Variants in HEPH observed in about 807,000 individuals in gnomAD.
The protein encoded by HEPH is hephaestin.
Under a neutral mutation model 80.8 loss-of-function variants are expected in HEPH, and 69 were observed. The observed-to-expected ratio is 0.85, with a 90% CI of 0.70 to 1.04. The LOEUF (loss-of-function observed/expected upper bound fraction) is 1.04. Among genes scored for constraint, HEPH ranks in the 50% least tolerant of loss-of-function variants. HEPH has a pLI of 0.00. For missense variants in HEPH, 1,115 were observed against 891.3 expected, an observed-to-expected ratio of 1.25 and a Z score of -3.20; for synonymous variants, 431 against 322.8, an observed-to-expected ratio of 1.34 and a Z score of -3.60.
intron 17 of HEPH, among the ~76,000 whole-genome samples, chrX:66,257,797 ATGAT>A (rs1214488595): frequency 1.8e-5 from 2 of 111,793 alleles, no homozygotes; most frequent in African/African-American, 6.5e-5. Context: ...CAGATTATAA[ATGAT>A]TGCTTCCTCT....
At chrX:66,264,322 G>A (rs2091463374) in intron 20 of HEPH, among the ~76,000 whole-genome samples, 2 of 106,436 alleles carry the variant, frequency 1.9e-5, no homozygotes, top group South Asian at 8.1e-4. Flanking sequence ...TGCTGGGTTG[G>A]ACATGGAAAA....
intron 19 of HEPH, among the ~76,000 whole-genome samples, chrX:66,261,245 G>C (rs947616949): frequency 8.9e-6 from 1 of 112,074 alleles, no homozygotes; most frequent in African/African-American, 3.2e-5. Context: ...AGGCTAGAAA[G>C]AGAGATTGTC....
intron 8 of HEPH, among the ~76,000 whole-genome samples, chrX:66,194,591 G>A: frequency 8.9e-6 from 1 of 111,818 alleles, no homozygotes; most frequent in East Asian, 2.8e-4. Context: ...TACAGTGCCT[G>A]GATAGAAGAT....
intron 19 of HEPH, among the ~76,000 whole-genome samples, chrX:66,261,744 C>T (rs2091372096): frequency 9.0e-6 from 1 of 111,520 alleles, no homozygotes; most frequent in Non-Finnish European, 1.9e-5. Flanking sequence ...AATGATTGCA[C>T]ATTATGACTT....
chrX:66,175,509 T>G (rs2086764250), intron 4 of HEPH, among the ~76,000 whole-genome samples: 1 of 111,921 alleles, frequency 8.9e-6, no homozygotes, highest in African/African-American at 3.2e-5. Context: ...TGGTTCCATC[T>G]GAATTTTAGA....
In HEPH at chrX:66,172,643, C is replaced by A. The variant is rs1175864762; in HGVS notation, c.412+44C>A. On this transcript the variant is annotated intron_variant, in intron 3 of 20. Coordinates refer to ENST00000343002, the MANE Select transcript of HEPH (RefSeq NM_001367233.3). ...TCTTTCCCCCATGCCCAACAAATAT[C>A]ACTTTTCCTTTATTGCCAGGTGAAG... The A allele has an allele frequency of 4.5e-6, 5 of 1,099,809 alleles. No homozygotes were observed. In the African/African-American group the frequency reaches 7.4e-5, roughly 16 times the overall value. 90.6% of individuals were successfully genotyped at this position (1,099,809 alleles called of 1,213,427 possible). A position where few individuals can be genotyped will look rare whatever the true frequency, so the allele number is the denominator to read the frequency against.
intron 15 of HEPH, among the ~76,000 whole-genome samples, chrX:66,247,488 T>C (rs1189120909): frequency 2.7e-5 from 3 of 110,719 alleles, no homozygotes; most frequent in Non-Finnish European, 5.7e-5. Flanking sequence ...ATTCTCCTTT[T>C]CTATTCCAGA....
At chrX:66,228,889 G>T (rs1054626017) in intron 15 of HEPH, among the ~76,000 whole-genome samples, 2 of 112,230 alleles carry the variant, frequency 1.8e-5, no homozygotes, top group Non-Finnish European at 3.8e-5. Flanking sequence ...ATGGATGTTG[G>T]CATGGATATG....
intron 11 of HEPH, 192 bp from the exon 12 acceptor site, chrX:66,200,348 C>T (rs2088365209): frequency 4.7e-6 from 2 of 429,607 alleles, no homozygotes; most frequent in Admixed American, 8.3e-5. Flanking sequence ...GACAGTTGAG[C>T]ACTCATCCCA....
rs1441434296 is a variant in HEPH, at chrX:66,258,937, T to C, written c.2994T>C (p.Asp998=). 2 of 1,204,488 alleles carry C rather than the reference T, an allele frequency of 1.7e-6. No individual in the cohort carries two copies. Among genetic ancestry groups the C allele is most frequent in the South Asian group, 1.8e-5 (1 of 55,165 alleles). ...WYMLAMGQDV[D]LHTIHFHAES... ...TGCTGGCCATGGGCCAAGATGTGGA[T>C]CTACACACCATCCACTTTCATGCAG... Residue 998 remains aspartate, a synonymous_variant, in exon 18 of 21, where the codon GAT becomes GAC. Coordinates refer to ENST00000343002, the MANE Select transcript of HEPH (RefSeq NM_001367233.3).
At chrX:66,163,999 T>A (rs991256133), upstream of HEPH, among the ~76,000 whole-genome samples, 11 of 112,024 alleles carry the variant, frequency 9.8e-5, no homozygotes, top group Non-Finnish European at 1.9e-4. Flanking sequence ...GGTGGTGAGA[T>A]GGAGGCTCTT....
At chrX:66,213,722 T>C (rs995596803) in intron 15 of HEPH, among the ~76,000 whole-genome samples, 5 of 111,062 alleles carry the variant, frequency 4.5e-5, no homozygotes, top group Non-Finnish European at 7.6e-5. Flanking sequence ...TGTAACCCAA[T>C]AGTATAGCAT....
At chrX:66,245,151 G>A (rs891563427) in intron 15 of HEPH, among the ~76,000 whole-genome samples, 2 of 110,774 alleles carry the variant, frequency 1.8e-5, no homozygotes, top group African/African-American at 6.6e-5. Context: ...AATGTAAATG[G>A]GCTAAATGCT....
chrX:66,180,003 G>A (rs745317277), intron 4 of HEPH, among the ~76,000 whole-genome samples: 1 of 111,179 alleles, frequency 9.0e-6, no homozygotes, highest in East Asian at 2.8e-4. Context: ...CCTGAAGCAG[G>A]AGATGGTTGG....
At position 66,266,320 on chromosome X, in the gene HEPH, TAAG is replaced by T. The variant is rs1164279700; in HGVS notation, c.3245-119_3245-117del. ...CTTCATCAGCTAGTTTTGTGAAGGA[TAAG>T]GACAGGCCTCCTGTCCTATTTGGAT... On this transcript the variant is annotated intron_variant, in intron 20 of 20. Transcript: ENST00000343002. 6 of 493,940 alleles carry T rather than the reference TAAG, an allele frequency of 1.2e-5. No homozygotes were observed. The Admixed American group carries it at 1.9e-4, about 16-fold the overall frequency. 40.7% of individuals were successfully genotyped at this position (493,940 alleles called of 1,213,427 possible).
chrX:66,245,776 C>G (rs761942747), intron 15 of HEPH, among the ~76,000 whole-genome samples: 1 of 112,239 alleles, frequency 8.9e-6, no homozygotes, highest in African/African-American at 3.2e-5. Context: ...TTATAACAAA[C>G]TATCACTCAG....
At chrX:66,231,196 G>C (rs1204795442) in intron 15 of HEPH, among the ~76,000 whole-genome samples, 1 of 109,144 alleles carries the variant, frequency 9.2e-6, no homozygotes, top group African/African-American at 3.3e-5. Flanking sequence ...AGTATAGTTT[G>C]AAGTCAGGTA....
chrX:66,239,069 G>T (rs1042916759), intron 15 of HEPH, among the ~76,000 whole-genome samples: 2 of 112,278 alleles, frequency 1.8e-5, no homozygotes, highest in African/African-American at 6.5e-5. Flanking sequence ...GGGTGTTATG[G>T]CCATCATGAA....
chrX:66,201,505 G>A (rs898154257), intron 12 of HEPH, among the ~76,000 whole-genome samples: 1 of 110,703 alleles, frequency 9.0e-6, no homozygotes, highest in Non-Finnish European at 1.9e-5. Context: ...CAGATTCTAT[G>A]TATTTCTAGA....
Sources: gnomAD v4.1 joint callset for allele counts (sites outside exome capture counted in the v4.1 genomes callset) on GRCh38, gnomAD v4.1.1 for gene constraint, MANE v1.5 for transcripts, NCBI Gene and HGNC (gene_info 2026-07-23, HGNC 2026-07-21) for gene names.